Variants in ORC2 observed in about 807,000 individuals in gnomAD.
ORC2 encodes the protein origin recognition complex subunit 2, also known as origin recognition complex protein 2 homolog.
A neutral mutation model predicts 77.7 loss-of-function variants in ORC2; 37 were observed. The observed-to-expected ratio is 0.48, with a 90% confidence interval of 0.37 to 0.63. ORC2 has a LOEUF of 0.63. Among genes scored for constraint, ORC2 ranks in the 20% least tolerant of loss-of-function variants. ORC2 has a pLI of 0.00. For synonymous variants in ORC2, 201 were observed against 229.5 expected (o/e 0.88, Z 1.12); for missense variants, 557 against 661.9 (o/e 0.84, Z 1.74).
At chr2:200,913,870 G>A in intron 16 of ORC2, 61 bp downstream of exon 16, 1 of 1,524,342 alleles carries the variant, frequency 6.6e-7, no homozygotes, top group Non-Finnish European at 8.8e-7. Flanking sequence ...AAATTCCAGA[G>A]ACAGGAAATG....
At chr2:200,944,527 G>C (rs1461031271) in intron 5 of ORC2, among the ~76,000 whole-genome samples, 1 of 151,890 alleles carries the variant, frequency 6.6e-6, no homozygotes, top group Non-Finnish European at 1.5e-5. Flanking sequence ...AACACCTCTT[G>C]GATGACTCAA....
intron 11 of ORC2, among the ~76,000 whole-genome samples, chr2:200,928,488 T>C (rs1376432494): frequency 6.6e-6 from 1 of 151,906 alleles, no homozygotes; most frequent in Non-Finnish European, 1.5e-5. Context: ...AGATGACAGA[T>C]GACTGGAGGC....
intron 13 of ORC2, among the ~76,000 whole-genome samples, chr2:200,924,444 A>T (rs2040809912): frequency 6.6e-6 from 1 of 152,012 alleles, no homozygotes; most frequent in Non-Finnish European, 1.5e-5. Flanking sequence ...TTCAGGTTGG[A>T]AACAAAATGA....
At chr2:200,933,288 T>C (rs1170270232) in intron 10 of ORC2, among the ~76,000 whole-genome samples, 3 of 151,510 alleles carry the variant, frequency 2.0e-5, no homozygotes, top group Non-Finnish European at 4.4e-5. Flanking sequence ...GTAATCTTGT[T>C]ACCTTACCAC....
intron 11 of ORC2, among the ~76,000 whole-genome samples, chr2:200,927,766 T>G (rs1015439059): frequency 1.7e-4 from 25 of 151,210 alleles, no homozygotes; most frequent in African/African-American, 4.1e-4. Flanking sequence ...GGCACCATCA[T>G]AGCTCACTGC....
chr2:200,929,872 C>T (rs1441967006), intron 11 of ORC2, among the ~76,000 whole-genome samples: 1 of 152,016 alleles, frequency 6.6e-6, no homozygotes, highest in African/African-American at 2.4e-5. Flanking sequence ...CAGTCATTCA[C>T]TCTGCTGGAT....
chr2:200,950,027 C>A (rs2041321683), intron 4 of ORC2, among the ~76,000 whole-genome samples: 1 of 152,108 alleles, frequency 6.6e-6, no homozygotes, highest in African/African-American at 2.4e-5. Flanking sequence ...ATTTAAACAG[C>A]TGTTTTATGG....
At chr2:200,942,960 A>G in intron 5 of ORC2, 183 bp from the exon 6 acceptor site, 1 of 400,504 alleles carries the variant, frequency 2.5e-6, no homozygotes, top group Non-Finnish European at 4.5e-6. Flanking sequence ...AGAATCTTCA[A>G]ATTTTCCTTC....
chr2:200,913,948 T>C lies in ORC2; in HGVS notation c.1511A>G (p.Asp504Gly). ...TTGGATACCAATGTAAGAAGGGTTA[T>C]CCTGGTTGTCCAGCTGGTATTTTAT... ...LLIKYQLDNQ[D>G]NPSYIGLSFQ... The change falls in exon 16 of 18, where the codon GAT becomes GGT. Residue 504 changes from aspartate (D) to glycine (G), a missense_variant. Transcript: ENST00000234296. The C allele has an allele frequency of 1.3e-6, 2 of 1,590,456 alleles. No homozygotes were observed. Among genetic ancestry groups the C allele is most frequent in the Non-Finnish European group, 1.7e-6 (2 of 1,172,490 alleles).
At position 200,943,893 on chromosome 2, in the gene ORC2, T is replaced by C. The variant is rs185914431; in HGVS notation, c.329-1116A>G. Among the ~76,000 whole-genome samples, 364 of 152,224 alleles carry C rather than the reference T, an allele frequency of 2.4e-3. 3 individuals carry two copies. The highest frequency in any genetic ancestry group is 8.4e-3 in the African/African-American group (351 of 41,548). The stretch of plus-strand genomic sequence containing the variant: ...GTTCCCAAGCTACTGGTTGTGGTTA[T>C]TTCATCTCTTCTTCACTGTCCTCAG... On this transcript the variant is annotated intron_variant, in intron 5 of 17. Coordinates refer to ENST00000234296, the MANE Select transcript of ORC2 (RefSeq NM_006190.5).
chr2:200,936,689 T>C (rs1407103037), intron 8 of ORC2, among the ~76,000 whole-genome samples: 1 of 152,168 alleles, frequency 6.6e-6, no homozygotes, highest in Non-Finnish European at 1.5e-5. Flanking sequence ...CAATAAATGG[T>C]ACTTATGATT....
chr2:200,937,838 C>A (rs2041075439), intron 8 of ORC2, 68 bp downstream of exon 8: 2 of 1,043,086 alleles, frequency 1.9e-6, no homozygotes, highest in South Asian at 2.7e-5. Context: ...AACCTATATA[C>A]TTAACTATTA....
At chr2:200,913,071 A>G (rs1033998271) in intron 17 of ORC2, among the ~76,000 whole-genome samples, 1 of 152,212 alleles carries the variant, frequency 6.6e-6, no homozygotes, top group African/African-American at 2.4e-5. Flanking sequence ...CTAATTGCCT[A>G]TTACTCTGGA....
chr2:200,937,881 A>T (rs553023588), intron 8 of ORC2, 25 bp downstream of exon 8: 2 of 1,479,986 alleles, frequency 1.4e-6, no homozygotes, highest in South Asian at 2.3e-5. Flanking sequence ...TTTTTATAAA[A>T]AGTCATGTAA....
chr2:200,926,225 A>T (rs1226864347), intron 12 of ORC2, among the ~76,000 whole-genome samples: 1 of 152,166 alleles, frequency 6.6e-6, no homozygotes, highest in Non-Finnish European at 1.5e-5. Context: ...AACATTAGAA[A>T]ACTACAGTTC....
chr2:200,947,070 T>C (rs2041263624), intron 5 of ORC2, among the ~76,000 whole-genome samples: 1 of 151,976 alleles, frequency 6.6e-6, no homozygotes, highest in South Asian at 2.1e-4. Flanking sequence ...ACCCAGCTAA[T>C]TTTTGTATTT....
chr2:200,940,287 C>T (rs904715707), intron 7 of ORC2, among the ~76,000 whole-genome samples: 30 of 152,194 alleles, frequency 2.0e-4, no homozygotes, highest in African/African-American at 4.8e-4. Context: ...GTAGGTAAGC[C>T]GTGGGTCTGG....
Position 200,927,011 on chromosome 2 carries a change from A to C in ORC2, c.918-111T>G, listed in dbSNP as rs576542319. Reference sequence around the variant, plus strand: ...TTTATAAAAAATACAGGAAAGGGGTAGGCGCACTGGCTCAAGCCTGTAATC... The same window carrying C: ...TTTATAAAAAATACAGGAAAGGGGTCGGCGCACTGGCTCAAGCCTGTAATC... On this transcript the variant is annotated intron_variant, in intron 11 of 17. Coordinates refer to ENST00000234296, the MANE Select transcript of ORC2 (RefSeq NM_006190.5). 12 of 1,148,568 alleles carry C rather than the reference A, an allele frequency of 1.0e-5. No homozygotes were observed. In the East Asian group the frequency reaches 2.9e-4, roughly 28 times the overall value. The allele number at this position is 1,148,568 out of a possible 1,614,324, so 71.1% of individuals were successfully genotyped here.
intron 7 of ORC2, among the ~76,000 whole-genome samples, chr2:200,940,482 G>A (rs912307154): frequency 2.0e-5 from 3 of 152,036 alleles, no homozygotes; most frequent in Non-Finnish European, 4.4e-5. Context: ...CACTTGAAAA[G>A]GCATAATGAG....
Sources: allele counts gnomAD v4.1 joint callset (sites outside exome capture counted in the v4.1 genomes callset), GRCh38; gene constraint gnomAD v4.1.1; transcripts MANE v1.5; gene names NCBI Gene and HGNC (gene_info 2026-07-23, HGNC 2026-07-21).